SBF2: variants seen among roughly 807,000 people sequenced by gnomAD.
SBF2 encodes myotubularin-related protein 13.
SBF2 carries 112 observed loss-of-function variants against 225.2 expected under a neutral mutation model. The ratio of observed to expected loss-of-function variants is 0.50; its 90% confidence interval spans 0.43 to 0.58. The LOEUF is 0.58. SBF2 is among the 20% of genes least tolerant of loss of function. SBF2 has a pLI of 0.00. For synonymous variants in SBF2, 763 were observed against 773.3 expected (o/e 0.99, Z 0.22); for missense variants, 1,996 against 2,206.2 (o/e 0.90, Z 1.91).
intron 2 of SBF2, among the ~76,000 whole-genome samples, chr11:10,147,413 G>A (rs534615246): frequency 6.6e-6 from 1 of 152,108 alleles, no homozygotes; most frequent in African/African-American, 2.4e-5. Context: ...ATCATGTCCT[G>A]TGCAGGAACA....
At chr11:10,218,103 T>C (rs1027241181) in intron 1 of SBF2, among the ~76,000 whole-genome samples, 5 of 152,116 alleles carry the variant, frequency 3.3e-5, no homozygotes, top group Admixed American at 6.6e-5. Context: ...ATTCACCATA[T>C]TGGCCAGGCT....
intron 7 of SBF2, among the ~76,000 whole-genome samples, chr11:10,001,951 G>A (rs984013870): frequency 6.6e-6 from 1 of 151,998 alleles, no homozygotes; most frequent in African/African-American, 2.4e-5. Context: ...TCTAGTTACA[G>A]CACTATTAGT....
intron 1 of SBF2, among the ~76,000 whole-genome samples, chr11:10,229,872 A>G (rs1446828307): frequency 3.3e-5 from 5 of 152,210 alleles, no homozygotes; most frequent in African/African-American, 1.2e-4. Flanking sequence ...TATCCTTGTT[A>G]ACTTTCTGTC....
At chr11:9,939,238 G>C (rs1264278749) in intron 16 of SBF2, among the ~76,000 whole-genome samples, 1 of 152,120 alleles carries the variant, frequency 6.6e-6, no homozygotes, top group African/African-American at 2.4e-5. Context: ...TGGGATTACA[G>C]GCACCTGCCA....
At chr11:10,094,543 T>TTTTTTTTTTTTTG in intron 2 of SBF2, among the ~76,000 whole-genome samples, 1 of 148,508 alleles carries the variant, frequency 6.7e-6, no homozygotes, top group South Asian at 2.2e-4. Context: ...TTTTTTTTTT[T>TTTTTTTTTTTTTG]TTTGAGACAG....
In SBF2 at chr11:9,968,676, A is replaced by G. The variant is rs937763885; in HGVS notation, c.1396-131T>C. On this transcript the variant is annotated intron_variant, in intron 13 of 39. Transcript: ENST00000256190. Reference sequence around the variant, plus strand: ...TACATTCATATATACGCCATAAAACATGAAGTACCAAAATCTTACTTCTTC... The same window carrying G: ...TACATTCATATATACGCCATAAAACGTGAAGTACCAAAATCTTACTTCTTC... The G allele has an allele frequency of 3.9e-6, 3 of 768,254 alleles. No homozygotes were observed. In the African/African-American group the frequency reaches 5.2e-5, roughly 13 times the overall value. 47.6% of individuals were successfully genotyped at this position (768,254 alleles called of 1,614,324 possible).
intron 14 of SBF2, among the ~76,000 whole-genome samples, chr11:9,967,718 C>A (rs1867019315): frequency 6.6e-6 from 1 of 152,088 alleles, no homozygotes; most frequent in South Asian, 2.1e-4. Flanking sequence ...GAGTTCGAGA[C>A]CAGCCTGACT....
chr11:10,296,581 C>T (rs1277794292), upstream of SBF2, among the ~76,000 whole-genome samples: 1 of 152,132 alleles, frequency 6.6e-6, no homozygotes, highest in African/African-American at 2.4e-5. Context: ...TGGGTGAGGA[C>T]ACAGCCAAAC....
At chr11:10,214,793 A>G (rs1958068232) in intron 1 of SBF2, among the ~76,000 whole-genome samples, 2 of 152,220 alleles carry the variant, frequency 1.3e-5, no homozygotes, top group African/African-American at 4.8e-5. Flanking sequence ...TGACCCTTCT[A>G]GATTCCCTGA....
chr11:9,929,771 G>C (rs543290150), intron 16 of SBF2, among the ~76,000 whole-genome samples: 1 of 152,102 alleles, frequency 6.6e-6, no homozygotes, highest in Non-Finnish European at 1.5e-5. Context: ...CTTTTTGCAG[G>C]GAAAATGCTT....
chr11:9,898,177 C>A (rs1016829560), intron 16 of SBF2, among the ~76,000 whole-genome samples: 1 of 151,972 alleles, frequency 6.6e-6, no homozygotes, highest in African/African-American at 2.4e-5. Flanking sequence ...GTAGTACTGC[C>A]CTGAGGAAAA....
chr11:9,978,894 G>A (rs1358231651), intron 13 of SBF2, among the ~76,000 whole-genome samples: 2 of 152,204 alleles, frequency 1.3e-5, no homozygotes, highest in Admixed American at 1.3e-4. Context: ...AGCTACTCAG[G>A]AGGCTGAGGT....
At chr11:9,891,201 T>C (rs1204046156) in intron 17 of SBF2, among the ~76,000 whole-genome samples, 1 of 152,052 alleles carries the variant, frequency 6.6e-6, no homozygotes, top group Non-Finnish European at 1.5e-5. Context: ...TGTTGCTCAC[T>C]GCTATTGTTG....
intron 15 of SBF2, 54 bp downstream of exon 15, chr11:9,963,719 A>C (rs1310322280): frequency 6.8e-6 from 6 of 878,188 alleles, no homozygotes; most frequent in Non-Finnish European, 1.1e-5. Flanking sequence ...CTCAGCACGT[A>C]AATCTGAAAG....
intron 12 of SBF2, among the ~76,000 whole-genome samples, chr11:9,991,143 C>T (rs1180112595): frequency 6.6e-6 from 1 of 152,138 alleles, no homozygotes; most frequent in Non-Finnish European, 1.5e-5. Flanking sequence ...TTACTTAGTA[C>T]AGAATCTAAA....
At chr11:9,788,983 C>A (rs1852562677) in intron 35 of SBF2, 126 bp downstream of exon 35, 1 of 804,716 alleles carries the variant, frequency 1.2e-6, no homozygotes, top group South Asian at 1.5e-5. Context: ...AATCTGGTTT[C>A]TTCATAACCA....
intron 2 of SBF2, among the ~76,000 whole-genome samples, chr11:10,173,444 T>C (rs1591130486): frequency 1.3e-5 from 2 of 152,248 alleles, no homozygotes; most frequent in African/African-American, 4.8e-5. Context: ...AATACTGCGC[T>C]TTTCCGACAG....
intron 16 of SBF2, among the ~76,000 whole-genome samples, chr11:9,918,244 T>C (rs1207605046): frequency 6.6e-6 from 1 of 152,248 alleles, no homozygotes; most frequent in African/African-American, 2.4e-5. Flanking sequence ...TATCCATTTT[T>C]GAGCCTTTGG....
At chr11:10,170,571 GTTTT>G (rs376980580) in intron 2 of SBF2, among the ~76,000 whole-genome samples, 2 of 151,970 alleles carry the variant, frequency 1.3e-5, no homozygotes, top group Non-Finnish European at 1.5e-5. Context: ...AATTCTTCCA[GTTTT>G]TTTAATTTTA....
Sources: allele counts gnomAD v4.1 joint callset (sites outside exome capture counted in the v4.1 genomes callset), GRCh38; gene constraint gnomAD v4.1.1; transcripts MANE v1.5; gene names NCBI Gene and HGNC (gene_info 2026-07-23, HGNC 2026-07-21).